The following PHF14 variants were observed in gnomAD, a reference collection of about 807,000 sequenced individuals.
The protein encoded by PHF14 is PHD finger protein 14.
Under a neutral mutation model 117.9 loss-of-function variants are expected in PHF14, and 55 were observed. That is an observed-to-expected ratio of 0.47 (90% CI 0.38 to 0.58). The LOEUF is 0.58. PHF14 is among the 20% of genes least tolerant of loss of function. PHF14 has a pLI of 0.00. For missense variants in PHF14, 978 were observed against 1,122.2 expected (o/e 0.87, Z 1.84); for synonymous variants, 409 against 368.6 (o/e 1.11, Z -1.26).
chr7:11,138,176 G>C (rs943328109), intron 17 of PHF14, among the ~76,000 whole-genome samples: 3 of 151,922 alleles, frequency 2.0e-5, no homozygotes, highest in African/African-American at 7.3e-5. Flanking sequence ...GAGTAGCTGG[G>C]ATTACATGTG....
At chr7:11,051,906 A>C (rs1448590223) in intron 14 of PHF14, 126 bp downstream of exon 14, 6 of 742,088 alleles carry the variant, frequency 8.1e-6, no homozygotes, top group Non-Finnish European at 1.1e-5. Context: ...GGTTATTCTT[A>C]ACAATTTTTT....
intron 16 of PHF14, among the ~76,000 whole-genome samples, chr7:11,090,875 A>G (rs1025528254): frequency 1.3e-5 from 2 of 152,340 alleles, no homozygotes; most frequent in South Asian, 4.1e-4. Flanking sequence ...ATCTTGAAGT[A>G]TGAGTAGGTT....
At chr7:11,007,137 G>T (rs950170805) in intron 4 of PHF14, among the ~76,000 whole-genome samples, 1 of 151,922 alleles carries the variant, frequency 6.6e-6, no homozygotes, top group African/African-American at 2.4e-5. Context: ...AGATTGCAGT[G>T]AGCCGAGATC....
chr7:11,147,332 C>A (rs533243086), intron 17 of PHF14, among the ~76,000 whole-genome samples: 5 of 152,262 alleles, frequency 3.3e-5, no homozygotes, highest in South Asian at 2.1e-4. Context: ...TACTGTGATT[C>A]TTTTGGTCTT....
chr7:11,164,180 T>A (rs1358487836), intron 17 of PHF14, among the ~76,000 whole-genome samples: 1 of 152,222 alleles, frequency 6.6e-6, no homozygotes, highest in Admixed American at 6.5e-5. Context: ...CCATGGATGT[T>A]TGCCTGCTGT....
intron 17 of PHF14, among the ~76,000 whole-genome samples, chr7:11,145,971 A>G (rs910841772): frequency 2.8e-4 from 42 of 152,106 alleles, no homozygotes; most frequent in African/African-American, 8.9e-4. Context: ...ACTCTTGAAT[A>G]TGTTGAGCCT....
chr7:11,156,684 A>G (rs1788865090), intron 17 of PHF14, among the ~76,000 whole-genome samples: 4 of 152,080 alleles, frequency 2.6e-5, no homozygotes, highest in Non-Finnish European at 4.4e-5. Context: ...AATCCCAGCT[A>G]CTCGGGAAGC....
intron 2 of PHF14, among the ~76,000 whole-genome samples, chr7:10,981,819 G>T (rs1230292775): frequency 2.0e-5 from 3 of 151,998 alleles, no homozygotes; most frequent in African/African-American, 7.3e-5. Context: ...AATTTGTTTG[G>T]TATATTAGAG....
intron 5 of PHF14, 74 bp from the exon 6 acceptor site, chr7:11,022,794 G>A (rs1024058546): frequency 3.9e-5 from 29 of 737,666 alleles, no homozygotes; most frequent in Middle Eastern, 2.5e-4. Flanking sequence ...GATGGCAAGC[G>A]TTTTATATGT....
At chr7:11,159,108 T>G (rs542435564) in intron 17 of PHF14, among the ~76,000 whole-genome samples, 1 of 152,252 alleles carries the variant, frequency 6.6e-6, no homozygotes, top group South Asian at 2.1e-4. Context: ...CTGAATCTTA[T>G]AAACTTGAGT....
At chr7:11,019,911 T>G (rs985823288) in intron 5 of PHF14, among the ~76,000 whole-genome samples, 4 of 152,156 alleles carry the variant, frequency 2.6e-5, no homozygotes, top group Non-Finnish European at 4.4e-5. Context: ...TCCCATAGAT[T>G]TTGGTATGTT....
intron 4 of PHF14, among the ~76,000 whole-genome samples, chr7:10,995,942 T>C (rs1782631036): frequency 1.3e-5 from 2 of 152,302 alleles, no homozygotes; most frequent in Admixed American, 6.5e-5. Context: ...GGGAGCTGGC[T>C]CCACCCTCGG....
chr7:11,156,516 C>A (rs1240027150), intron 17 of PHF14, among the ~76,000 whole-genome samples: 1 of 152,010 alleles, frequency 6.6e-6, no homozygotes, highest in Non-Finnish European at 1.5e-5. Flanking sequence ...ACTTTCTGGC[C>A]GGGCGTGGTG....
chr7:11,162,627 C>A (rs1789078905), intron 17 of PHF14, among the ~76,000 whole-genome samples: 1 of 151,838 alleles, frequency 6.6e-6, no homozygotes. Flanking sequence ...CTGTGGCAAT[C>A]CTTAGGGCCT....
At chr7:11,069,411 G>A (rs1019829368) in intron 16 of PHF14, among the ~76,000 whole-genome samples, 5 of 152,130 alleles carry the variant, frequency 3.3e-5, no homozygotes, top group Non-Finnish European at 4.4e-5. Flanking sequence ...TAAGGAGGAC[G>A]ATAAGGCACA....
At position 11,028,785 on chromosome 7, in the gene PHF14, G is replaced by C; in HGVS notation, c.1422G>C (p.Lys474Asn). ...RAYFHVTCAQ[K>N]EGLLSEAAAE... The stretch of plus-strand genomic sequence containing the variant: ...ATTTCCATGTGACCTGTGCTCAAAA[G>C]GAAGGTCTGCTTTCAGAGGCAGCGG... The change falls in exon 7 of 18, where the codon AAG (lysine) becomes AAC (asparagine). Residue 474 changes from lysine to asparagine, a missense_variant. Coordinates refer to ENST00000634607, the MANE Select transcript of PHF14 (RefSeq NM_001007157.2). The C allele has an allele frequency of 6.2e-7, 1 of 1,613,762 alleles. No homozygotes were observed. Among genetic ancestry groups the C allele is most frequent in the Non-Finnish European group, 8.5e-7 (1 of 1,179,746 alleles).
intron 4 of PHF14, among the ~76,000 whole-genome samples, chr7:11,003,682 A>C (rs1029275786): frequency 2.0e-5 from 3 of 152,218 alleles, no homozygotes; most frequent in Non-Finnish European, 2.9e-5. Flanking sequence ...GCTAAAATTT[A>C]CATTTAACAT....
At chr7:10,998,447 T>C (rs1332380097) in intron 4 of PHF14, among the ~76,000 whole-genome samples, 1 of 152,092 alleles carries the variant, frequency 6.6e-6, no homozygotes, top group Non-Finnish European at 1.5e-5. Flanking sequence ...GACACATATA[T>C]GTATATATAC....
At chr7:11,011,969 C>T (rs150957222) in intron 4 of PHF14, among the ~76,000 whole-genome samples, 99 of 152,156 alleles carry the variant, frequency 6.5e-4, no homozygotes, top group African/African-American at 2.1e-3. Flanking sequence ...GTTTATTATA[C>T]TTTGGTGGTA....
Sources: allele counts gnomAD v4.1 joint callset (sites outside exome capture counted in the v4.1 genomes callset), GRCh38; gene constraint gnomAD v4.1.1; transcripts MANE v1.5; gene names NCBI Gene and HGNC (gene_info 2026-07-23, HGNC 2026-07-21).